The following LEPR variants were observed in gnomAD, a reference collection of about 807,000 sequenced individuals.
LEPR encodes OB receptor.
In LEPR, 56 loss-of-function variants were observed where a neutral mutation model predicts 114.7. The observed-to-expected ratio is 0.49, with a 90% CI of 0.39 to 0.61. LEPR has a LOEUF of 0.61. Among genes scored for constraint, LEPR ranks in the 20% least tolerant of loss-of-function variants. The pLI is 0.00. For missense variants in LEPR, 1,202 were observed against 1,352.9 expected (o/e 0.89, Z 1.75); for synonymous variants, 443 against 461.4 (o/e 0.96, Z 0.51).
In LEPR at chr1:65,621,464, G is replaced by A. The variant is rs1414190123; in HGVS notation, c.2597+6G>A. The A allele has an allele frequency of 1.2e-6, 2 of 1,609,022 alleles. No homozygotes were observed. The highest frequency in any genetic ancestry group is 4.5e-5 in the East Asian group (2 of 44,686). On this transcript the variant is annotated splice_donor_region_variant and intron_variant, in intron 18 of 19. Transcript: ENST00000349533. ...TTATTAATATCACACCAAAGGTATT[G>A]TACTTGAGGTTAAGAATCTTTACGG... is the stretch of plus-strand genomic sequence containing the variant.
chr1:65,455,262 T>C (rs1402886365), intron 2 of LEPR, among the ~76,000 whole-genome samples: 2 of 152,226 alleles, frequency 1.3e-5, no homozygotes, highest in Non-Finnish European at 2.9e-5. Context: ...TTTGATCGTC[T>C]GAAGCCTTCT....
Position 65,622,909 on chromosome 1 carries a change from G to C in LEPR, c.2601G>C (p.Met867Ile). ...LGTLLISHQRMKKLFWEDVPN... is the reference protein window; with the variant it reads ...LGTLLISHQRIKKLFWEDVPN... ...ATGCCCTGTTTATCCTTTGTAGAAT[G>C]AAAAAGCTATTTTGGGAAGATGTTC... is the stretch of plus-strand genomic sequence containing the variant. The change falls in exon 19 of 20, where the codon ATG becomes ATC. Residue 867 changes from methionine (M) to isoleucine (I), a missense_variant. Coordinates refer to ENST00000349533, the MANE Select transcript of LEPR (RefSeq NM_002303.6). The C allele has an allele frequency of 6.2e-7, 1 of 1,613,886 alleles. No homozygotes were observed. Among genetic ancestry groups the C allele is most frequent in the Non-Finnish European group, 8.5e-7 (1 of 1,179,890 alleles).
intron 19 of LEPR, among the ~76,000 whole-genome samples, chr1:65,632,386 GC>G (rs1658558716): frequency 6.6e-6 from 1 of 152,060 alleles, no homozygotes; most frequent in Non-Finnish European, 1.5e-5. Flanking sequence ...GTTCCTTATA[GC>G]CCTCAGGTTA....
intron 12 of LEPR, among the ~76,000 whole-genome samples, chr1:65,609,698 G>C (rs1657043872): frequency 2.0e-5 from 3 of 152,292 alleles, no homozygotes; most frequent in South Asian, 4.1e-4. Context: ...TGGGAAACAA[G>C]GTTGCAAGTA....
At chr1:65,601,225 T>TA (rs969231118) in intron 8 of LEPR, among the ~76,000 whole-genome samples, 167 bp from the exon 9 acceptor site, 101 of 152,078 alleles carry the variant, frequency 6.6e-4, no homozygotes, top group African/African-American at 2.3e-3. Context: ...GGACACTAGA[T>TA]AACTGTACAC....
At chr1:65,629,511 T>A (rs568441639) in intron 19 of LEPR, among the ~76,000 whole-genome samples, 60 of 152,278 alleles carry the variant, frequency 3.9e-4, no homozygotes, top group Admixed American at 8.5e-4. Context: ...GGGAATTTTT[T>A]AAAAAATATA....
At chr1:65,571,518 A>G (rs763767585) in intron 4 of LEPR, among the ~76,000 whole-genome samples, 4 of 152,082 alleles carry the variant, frequency 2.6e-5, no homozygotes, top group Non-Finnish European at 4.4e-5. Flanking sequence ...TCATCCATGT[A>G]GAGAGACCTC....
intron 2 of LEPR, among the ~76,000 whole-genome samples, chr1:65,488,466 G>A (rs1647696993): frequency 6.6e-6 from 1 of 150,396 alleles, no homozygotes; most frequent in Admixed American, 6.7e-5. Flanking sequence ...CAAGTAGCTG[G>A]GACTACAGGT....
intron 1 of LEPR, among the ~76,000 whole-genome samples, chr1:65,421,069 C>T (rs1441093023): frequency 6.6e-6 from 1 of 152,234 alleles, no homozygotes; most frequent in Non-Finnish European, 1.5e-5. Flanking sequence ...CTTCTTGACG[C>T]CACCCTAACG....
At chr1:65,581,957 C>T (rs1207138573) in intron 5 of LEPR, among the ~76,000 whole-genome samples, 1 of 152,172 alleles carries the variant, frequency 6.6e-6, no homozygotes, top group East Asian at 1.9e-4. Flanking sequence ...CTTTTGTGCC[C>T]TCACTGGCAG....
At chr1:65,544,426 C>A (rs371549762) in intron 2 of LEPR, among the ~76,000 whole-genome samples, 1 of 151,896 alleles carries the variant, frequency 6.6e-6, no homozygotes, top group Non-Finnish European at 1.5e-5. Flanking sequence ...ATTTGAATAC[C>A]CTTAATTTCT....
chr1:65,535,894 A>T (rs1183589758), intron 2 of LEPR, among the ~76,000 whole-genome samples: 1 of 152,166 alleles, frequency 6.6e-6, no homozygotes, highest in Non-Finnish European at 1.5e-5. Flanking sequence ...ATTCCTCTGC[A>T]TCTTTGAGGG....
chr1:65,491,285 G>A (rs1257915325), intron 2 of LEPR, among the ~76,000 whole-genome samples: 1 of 152,048 alleles, frequency 6.6e-6, no homozygotes, highest in Non-Finnish European at 1.5e-5. Context: ...AATGGCACAG[G>A]CAGTTATTTT....
chr1:65,570,477 TA>T lies in LEPR; in HGVS notation c.46del (p.Ile16PhefsTer3). ...FCVVLLHWEF[I>X]YVITAFNLSY... ...GTCTTTTTAATATCCTAACAGAATT[TA>T]TTTATGTGATAACTGCGTTTAACTT... On this transcript the variant is annotated frameshift_variant, in exon 4 of 20. Transcript: ENST00000349533. LOFTEE classifies it high-confidence loss of function. 1.2e-6 allele frequency: 2 copies of T among 1,613,298 alleles called. No homozygotes were observed. Among genetic ancestry groups the T allele is most frequent in the Non-Finnish European group, 1.7e-6 (2 of 1,179,800 alleles).
At chr1:65,498,296 A>C (rs1444600523) in intron 2 of LEPR, among the ~76,000 whole-genome samples, 1 of 152,160 alleles carries the variant, frequency 6.6e-6, no homozygotes, top group Non-Finnish European at 1.5e-5. Context: ...AGGCTTTACA[A>C]GATTAGGAAG....
At position 65,434,701 on chromosome 1, in the gene LEPR, C is replaced by T. The variant is rs867440537; in HGVS notation, c.-21+9323C>T. ...TCTTTCTCCTTTTAATTTTTCCACT[C>T]ATTTTCACCTCCTAATGCCCTTGAG... is the stretch of plus-strand genomic sequence containing the variant. On this transcript the variant is annotated intron_variant, in intron 2 of 19. Transcript: ENST00000349533. 2.2e-5 allele frequency: 22 copies of T among 985,460 alleles called. No homozygotes were observed. The African/African-American group carries it at 2.8e-4, about 12-fold the overall frequency. 61.0% of individuals were successfully genotyped at this position (985,460 alleles called of 1,614,324 possible).
intron 2 of LEPR, among the ~76,000 whole-genome samples, chr1:65,501,465 G>A (rs1216038378): frequency 2.0e-5 from 3 of 151,042 alleles, no homozygotes; most frequent in East Asian, 2.0e-4. Context: ...CCTTGTGTCT[G>A]TTTCTCTTCT....
rs1376712278 is a variant in LEPR at position 65,633,465 on chromosome 1, C to T, written c.2674-2726C>T. 1 of 1,208,968 alleles carries T rather than the reference C, an allele frequency of 8.3e-7. No homozygotes were observed. Among genetic ancestry groups the T allele is most frequent in the Non-Finnish European group, 1.0e-6 (1 of 971,360 alleles). 74.9% of individuals were successfully genotyped at this position (1,208,968 alleles called of 1,614,324 possible). ...GCTTTTGATTTGTCATATTCCTGGTCATAAAACATTAAGAAAATTATGGCT... is the reference window on the plus strand; with the variant it reads ...GCTTTTGATTTGTCATATTCCTGGTTATAAAACATTAAGAAAATTATGGCT... On this transcript the variant is annotated intron_variant, in intron 19 of 19. Transcript: ENST00000349533. This position sits in a 1 kb window ranked among gnomAD's most constrained non-coding sequence, Gnocchi z 4.1.
chr1:65,567,474 A>G (rs1653848866), intron 3 of LEPR, among the ~76,000 whole-genome samples: 1 of 152,220 alleles, frequency 6.6e-6, no homozygotes, highest in Non-Finnish European at 1.5e-5. Context: ...CCAAAGGAAC[A>G]TAATTGTAAT....
Sources: allele counts gnomAD v4.1 joint callset (sites outside exome capture counted in the v4.1 genomes callset), GRCh38; gene constraint gnomAD v4.1.1; non-coding constraint Gnocchi (gnomAD v3.1); transcripts MANE v1.5; gene names NCBI Gene and HGNC (gene_info 2026-07-23, HGNC 2026-07-21).